NPEPPS: variants seen among roughly 807,000 people sequenced by gnomAD.
NPEPPS encodes puromycin-sensitive aminopeptidase.
In NPEPPS, 14 loss-of-function variants were observed where a neutral mutation model predicts 115.5. The observed-to-expected ratio is 0.12, with a 90% CI of 0.08 to 0.19. The LOEUF is 0.19. NPEPPS is among the 10% of genes least tolerant of loss of function. The pLI, the probability that NPEPPS is intolerant of heterozygous loss-of-function variation, is 1.00. For missense variants in NPEPPS, 523 were observed against 1,110.8 expected (o/e 0.47, Z 7.52); for synonymous variants, 285 against 390.6 (o/e 0.73, Z 3.19).
intron 19 of NPEPPS, among the ~76,000 whole-genome samples, chr17:47,616,028 A>G (rs1914176890): frequency 6.6e-6 from 1 of 152,210 alleles, no homozygotes; most frequent in African/African-American, 2.4e-5. Flanking sequence ...GTGGACTAGA[A>G]TAACAGTTCT....
In NPEPPS at chr17:47,550,601, G is replaced by GAT. The variant is rs1315568045; in HGVS notation, c.340+4619_340+4620dup. Among the ~76,000 whole-genome samples, 73 of 143,718 alleles carry GAT rather than the reference G, an allele frequency of 5.1e-4. 1 individual carries two copies. The highest frequency in any genetic ancestry group is 8.8e-4 in the Non-Finnish European group (58 of 66,168). The allele number at this position is 143,718 out of a possible 152,430, so 94.3% of individuals were successfully genotyped here. On this transcript the variant is annotated intron_variant, in intron 2 of 22. Transcript: ENST00000322157. ...TTTAGATATAGTAACAGTTATACCA[G>GAT]ATATATATATATGTATATATATATA... is the stretch of plus-strand genomic sequence containing the variant.
At chr17:47,612,645 A>C (rs747304954) in intron 18 of NPEPPS, 43 bp downstream of exon 18, 13 of 1,511,666 alleles carry the variant, frequency 8.6e-6, no homozygotes, top group Non-Finnish European at 1.1e-5. Flanking sequence ...AGGTAACATC[A>C]TTTTGTGAAG....
At chr17:47,523,508 C>A (rs553803952) in intron 1 of NPEPPS, among the ~76,000 whole-genome samples, 1 of 151,834 alleles carries the variant, frequency 6.6e-6, no homozygotes, top group African/African-American at 2.4e-5. Flanking sequence ...GCAAACTCCA[C>A]CTCCTGGGTT....
rs960890393 is a variant in NPEPPS, at chr17:47,618,869, G to T, written c.2404-140G>T. 1.6e-5 allele frequency: 12 copies of T among 749,970 alleles called. No homozygotes were observed. The African/African-American group carries it at 2.1e-4, about 13-fold the overall frequency. The allele number at this position is 749,970 out of a possible 1,614,324, so 46.5% of individuals were successfully genotyped here. ...GCTTAAACATTATCTTCTTTGCTGA[G>T]AACTTCTGGTTCCAGTTATTCCTAA... On this transcript the variant is annotated intron_variant, in intron 20 of 22. Transcript: ENST00000322157.
intron 19 of NPEPPS, among the ~76,000 whole-genome samples, chr17:47,617,944 A>G (rs1014287653): frequency 3.9e-5 from 6 of 151,958 alleles, no homozygotes; most frequent in Admixed American, 2.0e-4. Flanking sequence ...CAGTGGCACG[A>G]TCTCAGCTCA....
chr17:47,540,812 A>C (rs1908699202), intron 1 of NPEPPS, among the ~76,000 whole-genome samples: 2 of 152,190 alleles, frequency 1.3e-5, no homozygotes, highest in Admixed American at 1.3e-4. Flanking sequence ...AGATTATCCC[A>C]TTATTGGTCA....
intron 20 of NPEPPS, 63 bp from the exon 21 acceptor site, chr17:47,618,946 C>G: frequency 6.8e-7 from 1 of 1,470,604 alleles, no homozygotes; most frequent in East Asian, 2.3e-5. Context: ...CAGTATGGTG[C>G]ACTTTCTGGT....
intron 9 of NPEPPS, among the ~76,000 whole-genome samples, chr17:47,590,071 G>A (rs976228797): frequency 6.6e-6 from 1 of 151,760 alleles, no homozygotes; most frequent in African/African-American, 2.4e-5. Context: ...TGGCTTACGC[G>A]TGTAATCCCA....
intron 1 of NPEPPS, among the ~76,000 whole-genome samples, chr17:47,539,987 GA>G (rs879695087): frequency 1.6e-4 from 25 of 152,086 alleles, no homozygotes; most frequent in African/African-American, 4.6e-4. Context: ...TTGACAATCA[GA>G]AAAAAACCCT....
At chr17:47,544,710 TC>T (rs1909068237) in intron 1 of NPEPPS, among the ~76,000 whole-genome samples, 2 of 128,586 alleles carry the variant, frequency 1.6e-5, no homozygotes, top group Admixed American at 8.5e-5. Flanking sequence ...ATTTTTGTAT[TC>T]TTTTTTTTTT....
At chr17:47,575,566 G>T (rs1911464393) in intron 3 of NPEPPS, among the ~76,000 whole-genome samples, 1 of 146,488 alleles carries the variant, frequency 6.8e-6, no homozygotes, top group Admixed American at 6.9e-5. Flanking sequence ...TATCTTGCAG[G>T]TGTGACAATA....
Position 47,621,891 on chromosome 17 carries a change from C to G in NPEPPS, c.2731C>G (p.Gln911Glu). 2 of 1,613,280 alleles carry G rather than the reference C, an allele frequency of 1.2e-6. No homozygotes were observed. The highest frequency in any genetic ancestry group is 2.2e-5 in the East Asian group (1 of 44,872). ...TGAGAGCATCCACCAGTACCTCCTT[C>G]AGCGGAAGGCCTCACCACCCACAGT... ...DAESIHQYLL[Q>E]RKASPPTV Residue 911 changes from glutamine (Q) to glutamate (E), a missense_variant, in exon 23 of 23, where the codon CAG becomes GAG. This residue lies in a region of NPEPPS where 372 missense variants were observed against 542.6 expected (regional missense o/e 0.69). Coordinates refer to ENST00000322157, the MANE Select transcript of NPEPPS (RefSeq NM_006310.4).
chr17:47,616,279 A>G (rs1179953397), intron 19 of NPEPPS, among the ~76,000 whole-genome samples: 5 of 152,210 alleles, frequency 3.3e-5, no homozygotes, highest in African/African-American at 1.2e-4. Context: ...CAAAGGGGCC[A>G]GGCGTGGTGG....
intron 4 of NPEPPS, chr17:47,579,809 A>G (rs539959535): frequency 2.1e-5 from 4 of 190,850 alleles, no homozygotes; most frequent in Admixed American, 1.6e-4. Context: ...TTCTCTTAGT[A>G]TTTGACACCT....
At chr17:47,555,038 G>A (rs1319743575) in intron 2 of NPEPPS, among the ~76,000 whole-genome samples, 5 of 152,158 alleles carry the variant, frequency 3.3e-5, no homozygotes, top group Admixed American at 3.3e-4. Context: ...TTGAAACTGT[G>A]GAAAGTGAAA....
rs747667255 is a variant in NPEPPS at position 47,601,788 on chromosome 17, T to C, written c.1740+41T>C. On this transcript the variant is annotated intron_variant, in intron 15 of 22. Coordinates refer to ENST00000322157, the MANE Select transcript of NPEPPS (RefSeq NM_006310.4). The stretch of plus-strand genomic sequence containing the variant: ...TACCTAAACAGATTTCTCTCACTTA[T>C]ACATTTTATGGCCGGTTTTAAATTC... 1.2e-5 allele frequency: 19 copies of C among 1,582,022 alleles called. No individual in the cohort carries two copies. In the East Asian group the frequency reaches 1.8e-4, roughly 15 times the overall value.
intron 22 of NPEPPS, chr17:47,620,215 A>C (rs1393649668): frequency 9.0e-6 from 1 of 111,304 alleles, no homozygotes; most frequent in Admixed American, 8.8e-5. Context: ...CTCCTGTCTC[A>C]AAAAAAAAAA....
At chr17:47,558,018 C>T (rs1489725493) in intron 2 of NPEPPS, among the ~76,000 whole-genome samples, 2 of 151,892 alleles carry the variant, frequency 1.3e-5, no homozygotes, top group African/African-American at 2.4e-5. Context: ...CCTCCACCTC[C>T]CGGCTTCAAG....
intron 14 of NPEPPS, among the ~76,000 whole-genome samples, chr17:47,601,334 A>T (rs1411804788): frequency 6.6e-6 from 1 of 151,968 alleles, no homozygotes; most frequent in African/African-American, 2.4e-5. Context: ...CTAGGGGGAA[A>T]ATGATAATTA....
Sources: gnomAD v4.1 joint callset for allele counts (sites outside exome capture counted in the v4.1 genomes callset) on GRCh38, gnomAD v4.1.1 for gene constraint, gnomAD v4.1.1 regional missense constraint, MANE v1.5 for transcripts, NCBI Gene and HGNC (gene_info 2026-07-23, HGNC 2026-07-21) for gene names.